The following PTPRQ variants were observed in gnomAD, a reference collection of about 807,000 sequenced individuals.
PTPRQ encodes protein tyrosine phosphatase receptor type Q.
PTPRQ carries 199 observed loss-of-function variants against 246.0 expected under a neutral mutation model. The ratio of observed to expected loss-of-function variants is 0.81; its 90% CI spans 0.72 to 0.91. The LOEUF is 0.91. Ranked by LOEUF, PTPRQ falls within the 40% of genes least tolerant of loss-of-function variation. PTPRQ has a pLI of 0.00. For synonymous variants in PTPRQ, 869 were observed against 853.2 expected (o/e 1.02, Z -0.32); for missense variants, 2,624 against 2,528.4 (o/e 1.04, Z -0.81).
At chr12:80,586,758 G>A (rs1897634700) in intron 25 of PTPRQ, 1 of 152,116 alleles carries the variant, frequency 6.6e-6, no homozygotes, top group Admixed American at 6.5e-5. Context: ...ATCAACTACA[G>A]CTGGAAAATA....
chr12:80,449,319 T>G (rs1285618716), intron 3 of PTPRQ, among the ~76,000 whole-genome samples: 2 of 152,066 alleles, frequency 1.3e-5, no homozygotes, highest in Non-Finnish European at 2.9e-5. Flanking sequence ...CCCCCATTTT[T>G]TGGGTTGCCT....
At chr12:80,529,049 C>T (rs1895771260) in intron 17 of PTPRQ, among the ~76,000 whole-genome samples, 1 of 152,136 alleles carries the variant, frequency 6.6e-6, no homozygotes, top group Non-Finnish European at 1.5e-5. Flanking sequence ...GATGCTAGAA[C>T]AGCTTTAGGA....
intron 14 of PTPRQ, among the ~76,000 whole-genome samples, chr12:80,501,953 G>A (rs1894811970): frequency 7.2e-6 from 1 of 138,726 alleles, no homozygotes; most frequent in Non-Finnish European, 1.6e-5. Flanking sequence ...AAAAAAAAAT[G>A]TAGAAAATGA....
chr12:80,598,726 A>G (rs1414574255), intron 26 of PTPRQ, among the ~76,000 whole-genome samples: 4 of 151,942 alleles, frequency 2.6e-5, no homozygotes, highest in African/African-American at 4.8e-5. Flanking sequence ...CCCTTTTAAT[A>G]AACTTTATAC....
At chr12:80,661,035 A>G (rs1208685736) in intron 39 of PTPRQ, among the ~76,000 whole-genome samples, 1 of 151,832 alleles carries the variant, frequency 6.6e-6, no homozygotes, top group East Asian at 1.9e-4. Context: ...TTCAGTCTTC[A>G]TGATCTTACT....
chr12:80,659,576 C>T (rs1466172259), intron 39 of PTPRQ, among the ~76,000 whole-genome samples: 2 of 151,902 alleles, frequency 1.3e-5, no homozygotes, highest in African/African-American at 4.8e-5. Context: ...AGAAGAAAAA[C>T]AGACAATTTT....
intron 39 of PTPRQ, among the ~76,000 whole-genome samples, chr12:80,662,897 C>T (rs1011465470): frequency 1.3e-5 from 2 of 152,086 alleles, no homozygotes; most frequent in South Asian, 2.1e-4. Context: ...AGTTTGCACA[C>T]ACATATTCAA....
At chr12:80,641,512 A>G (rs535201807) in intron 35 of PTPRQ, among the ~76,000 whole-genome samples, 6 of 152,280 alleles carry the variant, frequency 3.9e-5, no homozygotes, top group African/African-American at 1.4e-4. Context: ...TTCTAATCTA[A>G]TCACATTTAG....
chr12:80,655,637 CAT>C (rs1408972226), intron 38 of PTPRQ, among the ~76,000 whole-genome samples: 1 of 151,856 alleles, frequency 6.6e-6, no homozygotes, highest in African/African-American at 2.4e-5. Flanking sequence ...CTCTCACACA[CAT>C]GTACACACAC....
intron 26 of PTPRQ, among the ~76,000 whole-genome samples, chr12:80,601,083 A>G (rs974375801): frequency 5.9e-5 from 9 of 151,790 alleles, no homozygotes; most frequent in African/African-American, 2.2e-4. Flanking sequence ...CTGCTTAGTG[A>G]GGCATGAGCT....
intron 30 of PTPRQ, 129 bp from the exon 31 acceptor site, chr12:80,619,255 C>G: frequency 4.6e-6 from 5 of 1,098,896 alleles, no homozygotes; most frequent in Non-Finnish European, 6.3e-6. Flanking sequence ...AAGCACAATT[C>G]TCTATAATTT....
intron 3 of PTPRQ, among the ~76,000 whole-genome samples, chr12:80,447,052 C>A (rs1476328535): frequency 6.6e-6 from 1 of 152,016 alleles, no homozygotes; most frequent in Non-Finnish European, 1.5e-5. Flanking sequence ...CTTTTCTCTG[C>A]ATCCACACTG....
At chr12:80,481,086 G>A (rs1443614251) in intron 8 of PTPRQ, among the ~76,000 whole-genome samples, 1 of 152,112 alleles carries the variant, frequency 6.6e-6, no homozygotes, top group Non-Finnish European at 1.5e-5. Context: ...GAGAATTTTA[G>A]ACCAATATCC....
At chr12:80,660,968 T>C (rs1900609114) in intron 39 of PTPRQ, among the ~76,000 whole-genome samples, 1 of 150,612 alleles carries the variant, frequency 6.6e-6, no homozygotes, top group Admixed American at 6.7e-5. Flanking sequence ...TACTGGGCAC[T>C]ACATGAGGAT....
intron 3 of PTPRQ, among the ~76,000 whole-genome samples, chr12:80,455,906 A>G (rs1254186675): frequency 1.3e-5 from 2 of 152,050 alleles, no homozygotes; most frequent in Non-Finnish European, 2.9e-5. Context: ...GCCGTCCTTT[A>G]CATAGTTAAT....
At chr12:80,474,875 C>T (rs1450220587) in intron 8 of PTPRQ, among the ~76,000 whole-genome samples, 1 of 152,156 alleles carries the variant, frequency 6.6e-6, no homozygotes, top group Non-Finnish European at 1.5e-5. Context: ...CTTAAACAGA[C>T]TATGGCAGTG....
intron 43 of PTPRQ, among the ~76,000 whole-genome samples, chr12:80,677,493 G>A (rs533018248): frequency 4.4e-4 from 67 of 152,124 alleles, no homozygotes; most frequent in Non-Finnish European, 8.8e-4. Flanking sequence ...CTAGCTGTGA[G>A]AATTAAATGA....
rs776019609 is a variant in PTPRQ at position 80,605,168 on chromosome 12, T to G, written c.4719T>G (p.Ile1573Met). ...TTACTGGACCAACATGTTATCTGAT[T>G]GATGTCAAATCGGTAAGGCATGTCT... is the stretch of plus-strand genomic sequence containing the variant. ...AVITGPTCYL[I>M]DVKSVDNDEF... The change falls in exon 27 of 45, where the codon ATT (isoleucine) becomes ATG (methionine). Residue 1573 changes from isoleucine to methionine, a missense_variant. Physicochemically the swap from Ile to Met is conservative, Grantham distance 10. Coordinates refer to ENST00000644991, the MANE Select transcript of PTPRQ (RefSeq NM_001145026.2). 7 of 1,540,882 alleles carry G rather than the reference T, an allele frequency of 4.5e-6. No individual in the cohort carries two copies. The East Asian group carries it at 1.5e-4, about 33-fold the overall frequency.
intron 17 of PTPRQ, among the ~76,000 whole-genome samples, chr12:80,523,853 T>C (rs1003015524): frequency 1.8e-4 from 27 of 152,160 alleles, no homozygotes; most frequent in Non-Finnish European, 3.4e-4. Context: ...TGATTTGGGG[T>C]GGAGAGTTCT....
Sources: gnomAD v4.1 joint callset for allele counts (sites outside exome capture counted in the v4.1 genomes callset) on GRCh38, gnomAD v4.1.1 for gene constraint, MANE v1.5 for transcripts, NCBI Gene and HGNC (gene_info 2026-07-23, HGNC 2026-07-21) for gene names.